FBXW11: variants seen among roughly 807,000 people sequenced by gnomAD.
FBXW11 encodes F-box and WD repeat domain containing 11.
FBXW11 carries 19 observed loss-of-function variants against 77.6 expected under a neutral mutation model. That is an observed-to-expected ratio of 0.24 (90% CI 0.17 to 0.36). The LOEUF (loss-of-function observed/expected upper bound fraction) is 0.36. FBXW11 is among the 10% of genes least tolerant of loss of function. The pLI is 1.00. For synonymous variants in FBXW11, 235 were observed against 249.4 expected, an observed-to-expected ratio of 0.94 and a Z score of 0.54; for missense variants, 334 against 704.2, an observed-to-expected ratio of 0.47 and a Z score of 5.95.
At chr5:171,978,977 A>G (rs564887983) in intron 1 of FBXW11, among the ~76,000 whole-genome samples, 1 of 152,316 alleles carries the variant, frequency 6.6e-6, no homozygotes, top group South Asian at 2.1e-4. Context: ...ACATGAAGAA[A>G]GCATGTTTCA....
chr5:171,950,926 T>C (rs1304944683), intron 2 of FBXW11, among the ~76,000 whole-genome samples: 1 of 151,904 alleles, frequency 6.6e-6, no homozygotes, highest in Non-Finnish European at 1.5e-5. Context: ...TTAATTTAAA[T>C]GAGGGAATTC....
At chr5:171,991,286 G>A (rs540426425) in intron 1 of FBXW11, among the ~76,000 whole-genome samples, 15 of 152,312 alleles carry the variant, frequency 9.8e-5, no homozygotes, top group African/African-American at 3.6e-4. Context: ...ATTAGGGTCT[G>A]AAGTGAATAT....
At chr5:171,966,771 C>G (rs1026060337) in intron 1 of FBXW11, among the ~76,000 whole-genome samples, 1 of 152,162 alleles carries the variant, frequency 6.6e-6, no homozygotes, top group Non-Finnish European at 1.5e-5. Flanking sequence ...CCTCTCAACC[C>G]TAAGTTTAAT....
At chr5:171,975,067 T>A (rs923347135) in intron 1 of FBXW11, among the ~76,000 whole-genome samples, 3 of 152,090 alleles carry the variant, frequency 2.0e-5, no homozygotes, top group Non-Finnish European at 4.4e-5. Context: ...GTGCTGGGAT[T>A]ACAGGCGTGA....
intron 11 of FBXW11, among the ~76,000 whole-genome samples, chr5:171,870,050 A>G (rs1427612437): frequency 6.6e-6 from 1 of 152,222 alleles, no homozygotes; most frequent in Non-Finnish European, 1.5e-5. Flanking sequence ...TAAGAAAACA[A>G]CTTCAGGTTA....
At chr5:172,000,727 CA>C (rs1766366091) in intron 1 of FBXW11, among the ~76,000 whole-genome samples, 1 of 152,212 alleles carries the variant, frequency 6.6e-6, no homozygotes, top group Non-Finnish European at 1.5e-5. Flanking sequence ...ATCCTCCCAA[CA>C]ACTCAGACCA....
intron 8 of FBXW11, 63 bp downstream of exon 8, chr5:171,877,948 G>T: frequency 8.5e-7 from 1 of 1,181,440 alleles, no homozygotes; most frequent in Non-Finnish European, 1.3e-6. Context: ...AGAGGAGGAT[G>T]TCAATCTCAG....
chr5:171,866,823 T>C (rs1407727941), intron 13 of FBXW11, among the ~76,000 whole-genome samples: 2 of 152,190 alleles, frequency 1.3e-5, no homozygotes, highest in African/African-American at 4.8e-5. Context: ...ATTCCTATTT[T>C]AAAGCTCCAT....
intron 2 of FBXW11, among the ~76,000 whole-genome samples, chr5:171,952,445 A>ATTT (rs1206783053): frequency 2.1e-4 from 2 of 9,586 alleles, no homozygotes; most frequent in African/African-American, 5.6e-4. Flanking sequence ...ATATATATAT[A>ATTT]TATTTTTTTT....
At chr5:171,899,808 T>C in intron 5 of FBXW11, 106 bp downstream of exon 5, 10 of 1,054,688 alleles carry the variant, frequency 9.5e-6, no homozygotes, top group Non-Finnish European at 1.4e-5. Flanking sequence ...CCCCCCTTTT[T>C]AAAAATAGGC....
In FBXW11 at chr5:171,930,389, C is replaced by A. The variant is rs145060956; in HGVS notation, c.148-15984G>T. 9.3e-3 allele frequency among the ~76,000 whole-genome samples: 1,419 copies of A among 152,308 alleles called. 26 individuals are homozygous for A. The highest frequency in any genetic ancestry group is 0.033 in the African/African-American group (1,351 of 41,562). On this transcript the variant is annotated intron_variant, in intron 2 of 13. Transcript: ENST00000517395. ...ACAAGGTAAGAATGTTCCCTCTCAA[C>A]ACTGGTTTTCAACATCATCCTCTAA...
At chr5:171,890,706 A>C (rs1759290064) in intron 7 of FBXW11, among the ~76,000 whole-genome samples, 4 of 152,194 alleles carry the variant, frequency 2.6e-5, no homozygotes, top group African/African-American at 9.7e-5. Context: ...AATTGTCAGA[A>C]ACTGGAAACA....
intron 2 of FBXW11, among the ~76,000 whole-genome samples, chr5:171,943,956 G>A (rs1248934033): frequency 6.6e-6 from 1 of 152,124 alleles, no homozygotes; most frequent in African/African-American, 2.4e-5. Flanking sequence ...GAAACAATTT[G>A]ACAAGATATA....
chr5:171,966,924 A>G (rs1764222873), intron 1 of FBXW11, among the ~76,000 whole-genome samples: 1 of 152,236 alleles, frequency 6.6e-6, no homozygotes, highest in African/African-American at 2.4e-5. Flanking sequence ...TGAGTTTTAC[A>G]GACAAGAAAA....
chr5:171,961,264 A>G (rs562311297), intron 1 of FBXW11, among the ~76,000 whole-genome samples: 71 of 152,352 alleles, frequency 4.7e-4, no homozygotes, highest in Admixed American at 1.1e-3. Flanking sequence ...ACTAATCAGA[A>G]GTCTCAACTC....
intron 1 of FBXW11, among the ~76,000 whole-genome samples, chr5:171,982,263 T>TTTTA (rs1387009584): frequency 2.8e-4 from 43 of 152,116 alleles, no homozygotes; most frequent in African/African-American, 1.0e-3. Context: ...TTATTTTTAT[T>TTTTA]TTTATTTATT....
chr5:171,982,691 T>C (rs1056603333), intron 1 of FBXW11, among the ~76,000 whole-genome samples: 5 of 152,222 alleles, frequency 3.3e-5, no homozygotes, highest in Non-Finnish European at 7.3e-5. Flanking sequence ...GACACATACA[T>C]ACTGGTTTTC....
chr5:171,944,877 T>G (rs1308465823), intron 2 of FBXW11, among the ~76,000 whole-genome samples: 1 of 152,204 alleles, frequency 6.6e-6, no homozygotes, highest in Admixed American at 6.5e-5. Context: ...CAAATAATAT[T>G]ATACCAGATA....
intron 7 of FBXW11, among the ~76,000 whole-genome samples, chr5:171,879,265 C>T (rs1488807045): frequency 6.6e-6 from 1 of 152,156 alleles, no homozygotes; most frequent in African/African-American, 2.4e-5. Context: ...CGGTTCCTCC[C>T]TGTCTTTTCA....
Sources: allele counts gnomAD v4.1 joint callset (sites outside exome capture counted in the v4.1 genomes callset), GRCh38; gene constraint gnomAD v4.1.1; transcripts MANE v1.5; gene names NCBI Gene and HGNC (gene_info 2026-07-23, HGNC 2026-07-21).